The following ITGA8 variants were observed in gnomAD, a reference collection of about 807,000 sequenced individuals.
ITGA8 encodes the protein integrin subunit alpha 8, also known as integrin alpha-8.
ITGA8 carries 91 observed loss-of-function variants against 142.3 expected under a neutral mutation model. The ratio of observed to expected loss-of-function variants is 0.64; its 90% CI spans 0.54 to 0.76. ITGA8 has a LOEUF of 0.76. Ranked by LOEUF, ITGA8 falls within the 30% of genes least tolerant of loss-of-function variation. ITGA8 has a pLI of 0.00. For synonymous variants in ITGA8, 505 were observed against 485.2 expected (o/e 1.04, Z -0.54); for missense variants, 1,406 against 1,327.7 (o/e 1.06, Z -0.92).
intron 13 of ITGA8, among the ~76,000 whole-genome samples, chr10:15,636,865 T>C (rs1833779893): frequency 6.6e-6 from 1 of 151,988 alleles, no homozygotes; most frequent in South Asian, 2.1e-4. Context: ...ATGAAAGAGG[T>C]CGGCCACGGT....
intron 8 of ITGA8, among the ~76,000 whole-genome samples, chr10:15,671,048 G>T (rs1288356719): frequency 6.6e-6 from 1 of 152,110 alleles, no homozygotes; most frequent in Non-Finnish European, 1.5e-5. Context: ...AATTTAATTA[G>T]GTATTCTGTG....
chr10:15,667,793 G>A (rs2131680463), intron 8 of ITGA8, among the ~76,000 whole-genome samples: 1 of 152,134 alleles, frequency 6.6e-6, no homozygotes, highest in South Asian at 2.1e-4. Flanking sequence ...AGTCATTCAG[G>A]AGCAGGTTGT....
intron 2 of ITGA8, among the ~76,000 whole-genome samples, chr10:15,694,333 C>CATATATATGATA (rs1198389056): frequency 8.0e-6 from 1 of 124,392 alleles, no homozygotes; most frequent in African/African-American, 3.2e-5. Context: ...GATAATATAT[C>CATATATATGATA]ATATATCAGA....
chr10:15,682,917 C>G (rs187982499), intron 4 of ITGA8, among the ~76,000 whole-genome samples: 55 of 142,042 alleles, frequency 3.9e-4, no homozygotes, highest in African/African-American at 1.3e-3. Context: ...TCAGCAGCCT[C>G]TTTGTTAACC....
chr10:15,624,073 C>T (rs565950711), intron 13 of ITGA8, among the ~76,000 whole-genome samples: 22 of 149,338 alleles, frequency 1.5e-4, no homozygotes, highest in Non-Finnish European at 3.3e-4. Flanking sequence ...TTTATTCATC[C>T]ATCCCTGGCT....
In ITGA8 at chr10:15,561,219, ATATATATATATATATG is replaced by A. The variant is rs1239452918; in HGVS notation, c.2638-3033_2638-3018del. Among the ~76,000 whole-genome samples, 334 of 101,384 alleles carry A rather than the reference ATATATATATATATATG, an allele frequency of 3.3e-3. 4 individuals are homozygous for A. In the East Asian group the frequency reaches 0.065, roughly 20 times the overall value. The allele number at this position is 101,384 out of a possible 152,430, so 66.5% of individuals were successfully genotyped here. A position where few individuals can be genotyped will look rare whatever the true frequency, so the allele number is the denominator to read the frequency against. On this transcript the variant is annotated intron_variant, in intron 25 of 29. Transcript: ENST00000378076. Reference sequence around the variant, plus strand: ...CTCCTTATCTGTTGGCTATATATATATATATATATATATATGTATATATATATATATATATGTATGT... The same window carrying A: ...CTCCTTATCTGTTGGCTATATATATATATATATATATATATATATGTATGT...
chr10:15,681,103 G>A (rs1387089151), intron 4 of ITGA8, among the ~76,000 whole-genome samples: 2 of 152,202 alleles, frequency 1.3e-5, no homozygotes, highest in Non-Finnish European at 2.9e-5. Flanking sequence ...GAGAGCCATA[G>A]GCAGGTCATC....
rs747602228 is a variant in ITGA8 at position 15,719,636 on chromosome 10, G to A, written c.136C>T (p.Leu46Phe). Residue 46 changes from leucine to phenylalanine, a missense_variant, in exon 1 of 30, where the codon CTC becomes TTC. Leu to Phe is a conservative substitution (Grantham distance 22, BLOSUM62 0). Coordinates refer to ENST00000378076, the MANE Select transcript of ITGA8 (RefSeq NM_003638.3). ...CQAFNLDVEKLTVYSGPKGSY... is the reference protein window; with the variant it reads ...CQAFNLDVEKFTVYSGPKGSY... ...CCCTTGGGGCCGCTGTACACTGTGA[G>A]CTTTTCCACGTCCAGGTTGAACGCC... is the stretch of plus-strand genomic sequence containing the variant. 6.5e-7 allele frequency: 1 copy of A among 1,537,158 alleles called. No individual in the cohort carries two copies. The highest frequency in any genetic ancestry group is 8.7e-7 in the Non-Finnish European group (1 of 1,151,822).
intron 20 of ITGA8, among the ~76,000 whole-genome samples, chr10:15,603,552 TA>T: frequency 6.6e-6 from 1 of 152,306 alleles, no homozygotes; most frequent in Admixed American, 6.5e-5. Flanking sequence ...ACCAAGTGAT[TA>T]AGGACACTGC....
chr10:15,595,850 G>A (rs1168466520), intron 21 of ITGA8, among the ~76,000 whole-genome samples: 1 of 152,144 alleles, frequency 6.6e-6, no homozygotes, highest in African/African-American at 2.4e-5. Context: ...TGGATCACCT[G>A]AGGCCAGGAG....
intron 13 of ITGA8, among the ~76,000 whole-genome samples, chr10:15,626,220 CTTTCTTTTCT>C (rs767836477): frequency 5.3e-5 from 8 of 152,078 alleles, no homozygotes; most frequent in Non-Finnish European, 1.2e-4. Context: ...GAGAGATGTT[CTTTCTTTTCT>C]TTTCTTTTCT....
intron 27 of ITGA8, among the ~76,000 whole-genome samples, chr10:15,548,049 C>T (rs1438978107): frequency 6.6e-6 from 1 of 151,242 alleles, no homozygotes; most frequent in East Asian, 1.9e-4. Flanking sequence ...GAAACTTTTA[C>T]ATTGAAAAAT....
Position 15,607,880 on chromosome 10 carries a change from C to A in ITGA8, c.1610-49G>T, listed in dbSNP as rs375744638. 86 of 1,479,458 alleles carry A rather than the reference C, an allele frequency of 5.8e-5. No individual in the cohort carries two copies. In the African/African-American group the frequency reaches 8.7e-4, roughly 15 times the overall value. 91.6% of individuals were successfully genotyped at this position (1,479,458 alleles called of 1,614,324 possible). A position where few individuals can be genotyped will look rare whatever the true frequency, so the allele number is the denominator to read the frequency against. Reference sequence around the variant, plus strand: ...GAAAAAGTATTCAGTGAACACAGTGCTCTATCAGAGAGATGAATTTCTATT... The same window carrying A: ...GAAAAAGTATTCAGTGAACACAGTGATCTATCAGAGAGATGAATTTCTATT... On this transcript the variant is annotated intron_variant, in intron 16 of 29. Transcript: ENST00000378076.
At chr10:15,527,905 G>GA (rs1833206864) in intron 28 of ITGA8, among the ~76,000 whole-genome samples, 4 of 97,138 alleles carry the variant, frequency 4.1e-5, no homozygotes, top group Non-Finnish European at 7.7e-5. Flanking sequence ...TTTCGGCTGG[G>GA]CTTTTTTTTT....
At chr10:15,558,283 A>ATT in intron 25 of ITGA8, 81 bp from the exon 26 acceptor site, 1 of 1,487,772 alleles carries the variant, frequency 6.7e-7, no homozygotes, top group Admixed American at 2.0e-5. Flanking sequence ...ACTCTAGGCA[A>ATT]TTTTTTTTTC....
At chr10:15,701,784 C>T (rs1160731302) in intron 2 of ITGA8, among the ~76,000 whole-genome samples, 1 of 152,200 alleles carries the variant, frequency 6.6e-6, no homozygotes, top group East Asian at 1.9e-4. Context: ...TTAAGTTTGT[C>T]TCCTTGGAGA....
chr10:15,594,179 G>C (rs555777438), intron 21 of ITGA8, among the ~76,000 whole-genome samples: 2 of 151,954 alleles, frequency 1.3e-5, no homozygotes, highest in African/African-American at 2.4e-5. Context: ...GCAATTTTCT[G>C]TCAGGCTCTT....
intron 27 of ITGA8, among the ~76,000 whole-genome samples, chr10:15,546,376 A>G (rs553315899): frequency 3.3e-5 from 5 of 152,304 alleles, no homozygotes; most frequent in African/African-American, 1.2e-4. Flanking sequence ...CTCCCTACAT[A>G]TTTGTTGAGT....
chr10:15,636,419 A>G (rs897272650), intron 13 of ITGA8, among the ~76,000 whole-genome samples: 5 of 152,228 alleles, frequency 3.3e-5, no homozygotes, highest in African/African-American at 1.2e-4. Context: ...TTATGACTCT[A>G]TGTAGTGTGT....
Sources: gnomAD v4.1 joint callset for allele counts (sites outside exome capture counted in the v4.1 genomes callset) on GRCh38, gnomAD v4.1.1 for gene constraint, MANE v1.5 for transcripts, NCBI Gene and HGNC (gene_info 2026-07-23, HGNC 2026-07-21) for gene names.